SGCZ: variants seen among roughly 807,000 people sequenced by gnomAD.
The protein encoded by SGCZ is sarcoglycan zeta.
Under a neutral mutation model 41.3 loss-of-function variants are expected in SGCZ, and 40 were observed. The ratio of observed to expected loss-of-function variants is 0.97; its 90% CI spans 0.75 to 1.26. The LOEUF (loss-of-function observed/expected upper bound fraction) is 1.26, where lower values mean the gene tolerates loss of function less well. Among genes scored for constraint, SGCZ ranks in the 50% most tolerant of loss-of-function variants. SGCZ has a pLI of 0.00. For missense variants in SGCZ, 552 were observed against 369.8 expected, an observed-to-expected ratio of 1.49 and a Z score of -4.04; for synonymous variants, 206 against 137.5, an observed-to-expected ratio of 1.50 and a Z score of -3.49.
At chr8:15,020,206 T>A (rs899106055) in intron 1 of SGCZ, among the ~76,000 whole-genome samples, 10 of 152,170 alleles carry the variant, frequency 6.6e-5, no homozygotes, top group African/African-American at 2.4e-4. Context: ...CCAAGTTTCC[T>A]TCTTATAGAT....
intron 1 of SGCZ, among the ~76,000 whole-genome samples, chr8:14,930,616 G>C (rs1278548642): frequency 6.6e-6 from 1 of 151,976 alleles, no homozygotes; most frequent in Non-Finnish European, 1.5e-5. Flanking sequence ...ACCGGATAAA[G>C]AAAATGTGGC....
chr8:14,717,882 G>T (rs1809742981), intron 1 of SGCZ, among the ~76,000 whole-genome samples: 2 of 151,742 alleles, frequency 1.3e-5, no homozygotes, highest in African/African-American at 4.8e-5. Flanking sequence ...ATTTTCCAAG[G>T]TTATTTTGTG....
chr8:14,554,284 G>C (rs1448154722), intron 2 of SGCZ, among the ~76,000 whole-genome samples: 5 of 151,990 alleles, frequency 3.3e-5, no homozygotes, highest in Non-Finnish European at 7.4e-5. Flanking sequence ...CATGCAGTGT[G>C]TTACATAGAA....
At chr8:14,097,273 C>A (rs897521431) in intron 7 of SGCZ, among the ~76,000 whole-genome samples, 1 of 152,080 alleles carries the variant, frequency 6.6e-6, no homozygotes, top group Non-Finnish European at 1.5e-5. Context: ...TATGTGTGTC[C>A]CAGAGATTCT....
chr8:14,670,669 A>T (rs2117509138), intron 1 of SGCZ, among the ~76,000 whole-genome samples: 1 of 152,294 alleles, frequency 6.6e-6, no homozygotes, highest in South Asian at 2.1e-4. Flanking sequence ...GAACACCAAC[A>T]ACAGAAATAG....
At chr8:14,918,593 A>G (rs1207383075) in intron 1 of SGCZ, among the ~76,000 whole-genome samples, 2 of 152,216 alleles carry the variant, frequency 1.3e-5, no homozygotes, top group Non-Finnish European at 2.9e-5. Flanking sequence ...CCAATCAATG[A>G]GAGTAATTCA....
intron 2 of SGCZ, among the ~76,000 whole-genome samples, chr8:14,514,152 C>A (rs962597389): frequency 1.3e-5 from 2 of 151,976 alleles, no homozygotes; most frequent in Non-Finnish European, 2.9e-5. Context: ...TGATATTTTA[C>A]TTAGTGAAAT....
At chr8:14,722,749 G>A (rs1014729310) in intron 1 of SGCZ, among the ~76,000 whole-genome samples, 4 of 151,994 alleles carry the variant, frequency 2.6e-5, no homozygotes, top group African/African-American at 7.2e-5. Flanking sequence ...ACATATGAGG[G>A]AAAACCTTCT....
chr8:14,776,758 G>A (rs927476888), intron 1 of SGCZ, among the ~76,000 whole-genome samples: 1 of 151,942 alleles, frequency 6.6e-6, no homozygotes, highest in Admixed American at 6.5e-5. Flanking sequence ...CTCCCAAAGT[G>A]CTGGGATTAC....
chr8:14,298,200 AT>A (rs568914045), intron 3 of SGCZ, among the ~76,000 whole-genome samples: 21 of 152,020 alleles, frequency 1.4e-4, no homozygotes, highest in Non-Finnish European at 2.8e-4. Flanking sequence ...TATATAAGGA[AT>A]TTTCTTCACA....
At chr8:14,345,567 A>C (rs182738288) in intron 2 of SGCZ, among the ~76,000 whole-genome samples, 1,741 of 152,200 alleles carry the variant, frequency 0.011, 28 homozygotes, top group African/African-American at 0.039. Flanking sequence ...CCTAATCTCC[A>C]TTGGGTTTAG....
At chr8:14,649,466 T>C (rs561068536) in intron 1 of SGCZ, among the ~76,000 whole-genome samples, 2 of 152,210 alleles carry the variant, frequency 1.3e-5, no homozygotes, top group Non-Finnish European at 2.9e-5. Context: ...GCAGCCACCC[T>C]GGGATCCTGA....
At chr8:14,639,976 C>G (rs142090010) in intron 1 of SGCZ, among the ~76,000 whole-genome samples, 1 of 151,504 alleles carries the variant, frequency 6.6e-6, no homozygotes, top group Non-Finnish European at 1.5e-5. Context: ...AAAGATAAAT[C>G]CCGAGATATA....
intron 1 of SGCZ, among the ~76,000 whole-genome samples, chr8:14,751,360 T>C (rs1252739036): frequency 6.6e-6 from 1 of 152,166 alleles, no homozygotes; most frequent in African/African-American, 2.4e-5. Context: ...GAAAACATTA[T>C]CTAGTCCATT....
chr8:14,809,068 T>C (rs2130530671), intron 1 of SGCZ, among the ~76,000 whole-genome samples: 1 of 137,426 alleles, frequency 7.3e-6, no homozygotes, highest in Middle Eastern at 3.8e-3. Context: ...CATCACACTC[T>C]GGGGACTGTT....
chr8:14,557,807 C>G (rs1357754177), intron 1 of SGCZ, among the ~76,000 whole-genome samples: 3 of 151,836 alleles, frequency 2.0e-5, no homozygotes, highest in Non-Finnish European at 4.4e-5. Flanking sequence ...AAGAAAATAA[C>G]CAAGATCAGA....
chr8:14,924,021 G>A (rs543639048), intron 1 of SGCZ, among the ~76,000 whole-genome samples: 1 of 152,334 alleles, frequency 6.6e-6, no homozygotes, highest in African/African-American at 2.4e-5. Flanking sequence ...CAGAGACAGA[G>A]GGTAAACCTT....
chr8:14,857,439 G>A (rs1017440131), intron 1 of SGCZ, among the ~76,000 whole-genome samples: 2 of 152,092 alleles, frequency 1.3e-5, no homozygotes, highest in South Asian at 4.1e-4. Context: ...ACTCTATAAT[G>A]AGCTTACATT....
chr8:15,087,626 A>G (rs972389176), intron 1 of SGCZ, among the ~76,000 whole-genome samples: 1 of 152,160 alleles, frequency 6.6e-6, no homozygotes, highest in African/African-American at 2.4e-5. Flanking sequence ...GAGCTTGTCG[A>G]AAAAAATGAC....
Sources: gnomAD v4.1 joint callset for allele counts (sites outside exome capture counted in the v4.1 genomes callset) on GRCh38, gnomAD v4.1.1 for gene constraint, MANE v1.5 for transcripts, NCBI Gene and HGNC (gene_info 2026-07-23, HGNC 2026-07-21) for gene names.